Variants in TECPR2 observed in about 807,000 individuals in gnomAD.
TECPR2 encodes the protein tectonin beta-propeller repeat containing 2.
A neutral mutation model predicts 138.1 loss-of-function variants in TECPR2; 65 were observed. The observed-to-expected ratio is 0.47, with a 90% CI of 0.39 to 0.58. The LOEUF (loss-of-function observed/expected upper bound fraction) is 0.58. TECPR2 is among the 20% of genes least tolerant of loss of function. The pLI is 0.00. For missense variants in TECPR2, 1,553 were observed against 1,824.5 expected, an observed-to-expected ratio of 0.85 and a Z score of 2.71; for synonymous variants, 746 against 749.8, an observed-to-expected ratio of 0.99 and a Z score of 0.08.
chr14:102,363,027 A>C lies in TECPR2; in HGVS notation c.-162A>C. 1 of 787,782 alleles carries C rather than the reference A, an allele frequency of 1.3e-6. No individual in the cohort carries two copies. The highest frequency in any genetic ancestry group is 2.0e-6 in the Non-Finnish European group (1 of 511,738). 48.8% of individuals were successfully genotyped at this position (787,782 alleles called of 1,614,324 possible). A position where few individuals can be genotyped will look rare whatever the true frequency, so the allele number is the denominator to read the frequency against. On this transcript the variant is annotated 5_prime_UTR_variant, in exon 1 of 20. Transcript: ENST00000359520. ...CGGTGCCGGCCCCGTTGCCCAGGGA[A>C]CAGGCTCCCGGCAGCCCCCGCGGCC...
At chr14:102,441,559 G>A (rs998760078) in intron 11 of TECPR2, among the ~76,000 whole-genome samples, 2 of 151,536 alleles carry the variant, frequency 1.3e-5, no homozygotes, top group Non-Finnish European at 1.5e-5. Context: ...GCGTGGTGGC[G>A]CTTGCCTGTA....
chr14:102,474,777 TCTC>T (rs1370545887), intron 17 of TECPR2, among the ~76,000 whole-genome samples: 2 of 152,104 alleles, frequency 1.3e-5, no homozygotes, highest in African/African-American at 4.8e-5. Context: ...CAACCTTTCT[TCTC>T]CGAGGCACGT....
At chr14:102,431,480 C>T (rs1008499689) in intron 7 of TECPR2, among the ~76,000 whole-genome samples, 1 of 151,790 alleles carries the variant, frequency 6.6e-6, no homozygotes, top group African/African-American at 2.4e-5. Context: ...GTAGCTGGGA[C>T]CCCCGGCGCC....
At position 102,443,570 on chromosome 14, in the gene TECPR2, A is replaced by C; in HGVS notation, c.2753-77A>C. 7.6e-7 allele frequency: 1 copy of C among 1,317,056 alleles called. No individual in the cohort carries two copies. The highest frequency in any genetic ancestry group is 9.9e-7 in the Non-Finnish European group (1 of 1,014,284). 81.6% of individuals were successfully genotyped at this position (1,317,056 alleles called of 1,614,324 possible). A position where few individuals can be genotyped will look rare whatever the true frequency, so the allele number is the denominator to read the frequency against. ...AGCAAAATACCAAAAAAGGAAAAAT[A>C]AGCCAATAACCAAGTCAAAATGAGG... On this transcript the variant is annotated intron_variant, in intron 11 of 19. Transcript: ENST00000359520. This position sits in a 1 kb window ranked among gnomAD's most constrained non-coding sequence, Gnocchi z 4.9.
At chr14:102,477,579 C>T (rs1360659962) in intron 17 of TECPR2, among the ~76,000 whole-genome samples, 1 of 139,106 alleles carries the variant, frequency 7.2e-6, no homozygotes, top group African/African-American at 2.7e-5. Flanking sequence ...GAGACAGAAT[C>T]TTGCTCTGTA....
At position 102,435,124 on chromosome 14, in the gene TECPR2, G is replaced by A. The variant is rs368168319; in HGVS notation, c.2307G>A (p.Thr769=). Residue 769 remains threonine, a synonymous_variant, in exon 9 of 20, where the codon ACG becomes ACA. Coordinates refer to ENST00000359520, the MANE Select transcript of TECPR2 (RefSeq NM_014844.5). ...AHGLPSSSSE[T]SVTELGPSCS... is the part of the protein sequence containing the mutation. The stretch of plus-strand genomic sequence containing the variant: ...GGCTTCCTTCTTCATCCTCAGAGAC[G>A]AGTGTGACAGAGCTCGGACCTAGTT... 133 of 1,613,448 alleles carry A rather than the reference G, an allele frequency of 8.2e-5. No homozygotes were observed. Among genetic ancestry groups the A allele is most frequent in the Non-Finnish European group, 9.9e-5 (117 of 1,180,052 alleles).
At chr14:102,368,061 G>A (rs866631357) in intron 1 of TECPR2, among the ~76,000 whole-genome samples, 1 of 134,418 alleles carries the variant, frequency 7.4e-6, no homozygotes, top group Non-Finnish European at 1.5e-5. Flanking sequence ...AGGCTGGAGT[G>A]CAGTGGTGCG....
chr14:102,465,430 T>C, intron 17 of TECPR2, 141 bp downstream of exon 17: 1 of 1,421,230 alleles, frequency 7.0e-7, no homozygotes, highest in Non-Finnish European at 9.1e-7. Flanking sequence ...GTCTACACAC[T>C]CTCGTTCATC....
At chr14:102,445,660 C>T in intron 12 of TECPR2, 146 bp from the exon 13 acceptor site, 1 of 1,019,856 alleles carries the variant, frequency 9.8e-7, no homozygotes, top group Middle Eastern at 3.4e-4. Context: ...ACCCAAACTT[C>T]CTTCCCTGGC....
intron 5 of TECPR2, among the ~76,000 whole-genome samples, chr14:102,418,348 G>A (rs1281895316): frequency 2.0e-5 from 3 of 152,236 alleles, no homozygotes; most frequent in Non-Finnish European, 2.9e-5. Flanking sequence ...TGTGTGCAGA[G>A]TAGTGAACAG....
intron 2 of TECPR2, among the ~76,000 whole-genome samples, chr14:102,396,393 G>A (rs903014294): frequency 6.6e-6 from 1 of 152,174 alleles, no homozygotes; most frequent in Non-Finnish European, 1.5e-5. Context: ...ATAAGCCACT[G>A]CACCCGGCCC....
At chr14:102,422,406 CTA>C (rs1410665712) in intron 5 of TECPR2, among the ~76,000 whole-genome samples, 2 of 152,172 alleles carry the variant, frequency 1.3e-5, no homozygotes, top group African/African-American at 4.8e-5. Context: ...AGGACCTGCT[CTA>C]TGTCATTTCG....
intron 2 of TECPR2, among the ~76,000 whole-genome samples, chr14:102,404,422 T>G (rs1000190986): frequency 1.3e-5 from 2 of 152,070 alleles, no homozygotes; most frequent in African/African-American, 4.8e-5. Flanking sequence ...AACTTAAAAC[T>G]TAACTGCAAA....
At chr14:102,439,653 A>T (rs560829232) in intron 10 of TECPR2, among the ~76,000 whole-genome samples, 1 of 152,252 alleles carries the variant, frequency 6.6e-6, no homozygotes, top group East Asian at 1.9e-4. Context: ...TCTCCATGAG[A>T]TTCACCTGCT....
intron 2 of TECPR2, among the ~76,000 whole-genome samples, chr14:102,383,687 C>T (rs1170128105): frequency 1.3e-5 from 2 of 151,506 alleles, no homozygotes; most frequent in Non-Finnish European, 2.9e-5. Context: ...GGATTACAAG[C>T]ATGAGCCACT....
rs1462791323 is a variant in TECPR2 at position 102,438,866 on chromosome 14, T to TC, written c.2578+661_2578+662insC. On this transcript the variant is annotated intron_variant, in intron 10 of 19. Transcript: ENST00000359520. ...CTTGCTTTTTCTTTCTTTCTTTCTTTTTTTTTTTTTTTTGAGACAGAGTCT... is the reference window on the plus strand; with the variant it reads ...CTTGCTTTTTCTTTCTTTCTTTCTTTCTTTTTTTTTTTTTGAGACAGAGTCT... Among the ~76,000 whole-genome samples, 96 of 149,858 alleles carry TC rather than the reference T, an allele frequency of 6.4e-4. 1 individual carries two copies. The highest frequency in any genetic ancestry group is 1.0e-3 in the African/African-American group (41 of 41,136).
At chr14:102,425,392 G>C in intron 6 of TECPR2, 101 bp downstream of exon 6, 1 of 1,204,794 alleles carries the variant, frequency 8.3e-7, no homozygotes, top group South Asian at 2.3e-5. Context: ...ACCAGGAGCA[G>C]TATTGACTTA....
At chr14:102,370,269 C>T (rs1176137839) in intron 1 of TECPR2, among the ~76,000 whole-genome samples, 1 of 152,064 alleles carries the variant, frequency 6.6e-6, no homozygotes, top group Non-Finnish European at 1.5e-5. Flanking sequence ...TGAGGTTTCA[C>T]CAAGTTGGTC....
chr14:102,491,279 G>A (rs1388540553), intron 17 of TECPR2, among the ~76,000 whole-genome samples: 1 of 152,230 alleles, frequency 6.6e-6, no homozygotes. Context: ...GCAATGGCAC[G>A]AATATGGCTT....
Sources: gnomAD v4.1 joint callset for allele counts (sites outside exome capture counted in the v4.1 genomes callset) on GRCh38, gnomAD v4.1.1 for gene constraint, Gnocchi (gnomAD v3.1) non-coding constraint, MANE v1.5 for transcripts, NCBI Gene and HGNC (gene_info 2026-07-23, HGNC 2026-07-21) for gene names.